ADAMTS9: variants seen among roughly 807,000 people sequenced by gnomAD.
The protein encoded by ADAMTS9 is ADAM metallopeptidase with thrombospondin type 1 motif 9.
A neutral mutation model predicts 257.1 loss-of-function variants in ADAMTS9; 107 were observed. That is an observed-to-expected ratio of 0.42 (90% CI 0.36 to 0.49). The LOEUF is 0.49. Ranked by LOEUF, ADAMTS9 falls within the 20% of genes least tolerant of loss-of-function variation. The pLI is 0.03. For missense variants in ADAMTS9, 2,353 were observed against 2,469.1 expected, an observed-to-expected ratio of 0.95 and a Z score of 1.00; for synonymous variants, 982 against 880.9, an observed-to-expected ratio of 1.11 and a Z score of -2.03.
chr3:64,576,948 C>A (rs987181941), intron 28 of ADAMTS9, among the ~76,000 whole-genome samples: 2 of 152,164 alleles, frequency 1.3e-5, no homozygotes, highest in Non-Finnish European at 2.9e-5. Flanking sequence ...CACCCCAACG[C>A]CCCCAGGAAT....
intron 12 of ADAMTS9, among the ~76,000 whole-genome samples, chr3:64,634,103 T>C (rs1700436794): frequency 6.6e-6 from 1 of 152,090 alleles, no homozygotes; most frequent in Non-Finnish European, 1.5e-5. Flanking sequence ...TCTTCCCTTA[T>C]ATTTGCAAAA....
At chr3:64,523,108 T>C (rs953717731) in intron 38 of ADAMTS9, among the ~76,000 whole-genome samples, 27 of 152,332 alleles carry the variant, frequency 1.8e-4, no homozygotes, top group African/African-American at 6.3e-4. Flanking sequence ...TTACCAATGG[T>C]GAGTTCATTA....
chr3:64,537,639 T>C (rs2083067743), intron 37 of ADAMTS9, among the ~76,000 whole-genome samples: 1 of 152,022 alleles, frequency 6.6e-6, no homozygotes. Context: ...TTCTCTGTAG[T>C]TGGGGGTAAA....
chr3:64,539,091 C>G (rs1348770183), intron 37 of ADAMTS9, 112 bp downstream of exon 37: 2 of 1,070,816 alleles, frequency 1.9e-6, no homozygotes, highest in African/African-American at 3.1e-5. Context: ...GGCCAAACTG[C>G]CCTCTAGAGC....
chr3:64,533,332 G>A, intron 37 of ADAMTS9, 62 bp from the exon 38 acceptor site: 1 of 1,297,564 alleles, frequency 7.7e-7, no homozygotes, highest in Non-Finnish European at 1.1e-6. Context: ...AAAAGCAAAG[G>A]CAAAGGTGAT....
chr3:64,658,031 C>A (rs1189587861), intron 4 of ADAMTS9, among the ~76,000 whole-genome samples: 1 of 151,966 alleles, frequency 6.6e-6, no homozygotes, highest in Non-Finnish European at 1.5e-5. Flanking sequence ...TCACAACCAG[C>A]CTCCCTAATA....
chr3:64,643,080 C>T (rs1700695690), intron 11 of ADAMTS9, among the ~76,000 whole-genome samples: 1 of 152,146 alleles, frequency 6.6e-6, no homozygotes, highest in South Asian at 2.1e-4. Context: ...CGTCCCTTTC[C>T]CTGGGCTGTT....
chr3:64,626,474 GC>G (rs1036542492), intron 16 of ADAMTS9, among the ~76,000 whole-genome samples: 1 of 152,140 alleles, frequency 6.6e-6, no homozygotes, highest in African/African-American at 2.4e-5. Context: ...GTCTGCATGA[GC>G]CCTTGAGCAA....
At chr3:64,563,368 C>T (rs188881809) in intron 29 of ADAMTS9, 5 of 152,142 alleles carry the variant, frequency 3.3e-5, no homozygotes, top group South Asian at 2.1e-4. Flanking sequence ...TAAAAGAGCA[C>T]GTTTCTGGAA....
intron 3 of ADAMTS9, among the ~76,000 whole-genome samples, chr3:64,671,217 T>TA (rs1378626953): frequency 6.6e-6 from 1 of 152,202 alleles, no homozygotes; most frequent in African/African-American, 2.4e-5. Flanking sequence ...AAATTACTGA[T>TA]ACAGGCAACA....
chr3:64,573,762 C>T (rs1488042137), intron 28 of ADAMTS9, among the ~76,000 whole-genome samples: 1 of 152,170 alleles, frequency 6.6e-6, no homozygotes, highest in African/African-American at 2.4e-5. Flanking sequence ...TTGCCAATGA[C>T]AGTGACAAAT....
chr3:64,524,782 A>T (rs189576957), intron 38 of ADAMTS9, among the ~76,000 whole-genome samples: 2 of 152,342 alleles, frequency 1.3e-5, no homozygotes, highest in Admixed American at 1.3e-4. Flanking sequence ...CCTGCGCTCC[A>T]TAGAGTCTGT....
At chr3:64,665,620 A>C (rs980258679) in intron 3 of ADAMTS9, among the ~76,000 whole-genome samples, 1 of 152,232 alleles carries the variant, frequency 6.6e-6, no homozygotes, top group African/African-American at 2.4e-5. Flanking sequence ...GCTTAAAAAC[A>C]ATTTTCTGGC....
At position 64,602,151 on chromosome 3, in the gene ADAMTS9, G is replaced by C; in HGVS notation, c.3810C>G (p.Asp1270Glu). ...TRQVMCVNYS[D>E]HVIDRSECDQ... ...CACACTCACTCCGATCGATCACGTG[G>C]TCACTGTAGTTGACACACATCACTT... The change falls in exon 26 of 40, where the codon GAC (aspartate) becomes GAG (glutamate). Residue 1270 changes from aspartate (D) to glutamate (E), a missense_variant. This residue lies in a region of ADAMTS9 where 1,402 missense variants were observed against 1,441.4 expected (regional missense o/e 0.97). Coordinates refer to ENST00000498707, the MANE Select transcript of ADAMTS9 (RefSeq NM_182920.2). The C allele has an allele frequency of 6.2e-6, 10 of 1,614,130 alleles. No homozygotes were observed. The highest frequency in any genetic ancestry group is 8.5e-6 in the Non-Finnish European group (10 of 1,180,004).
intron 30 of ADAMTS9, 167 bp downstream of exon 30, chr3:64,561,411 A>G (rs2083420207): frequency 1.7e-6 from 1 of 604,104 alleles, no homozygotes; most frequent in Non-Finnish European, 2.6e-6. Flanking sequence ...AAGTTCTCCC[A>G]CCCTTGTTGG....
chr3:64,540,792 C>T (rs1469344696), intron 36 of ADAMTS9, among the ~76,000 whole-genome samples: 1 of 151,042 alleles, frequency 6.6e-6, no homozygotes, highest in Non-Finnish European at 1.5e-5. Flanking sequence ...CATGCACTTT[C>T]ACCTACTTCA....
chr3:64,566,022 C>G (rs948070112), intron 29 of ADAMTS9, among the ~76,000 whole-genome samples: 1 of 152,180 alleles, frequency 6.6e-6, no homozygotes, highest in African/African-American at 2.4e-5. Context: ...ATATTATCAT[C>G]AGACCTTTCG....
chr3:64,670,778 C>A (rs1208944490), intron 3 of ADAMTS9, among the ~76,000 whole-genome samples: 2 of 152,154 alleles, frequency 1.3e-5, no homozygotes, highest in African/African-American at 4.8e-5. Context: ...TACTCAATAT[C>A]ATTAGACTTT....
chr3:64,682,583 G>A lies in ADAMTS9; in HGVS notation c.517-1220C>T, dbSNP rs78978941. On this transcript the variant is annotated intron_variant, in intron 2 of 39. Transcript: ENST00000498707. ...AAATCAAGCTCCACTCTTCTCCTCC[G>A]CTTTCTCATTTCCCGTGCTGGAAAA... 1.7e-4 allele frequency among the ~76,000 whole-genome samples: 26 copies of A among 152,234 alleles called. No homozygotes were observed. In the East Asian group the frequency reaches 4.4e-3, roughly 26 times the overall value.
Sources: allele counts gnomAD v4.1 joint callset (sites outside exome capture counted in the v4.1 genomes callset), GRCh38; gene constraint gnomAD v4.1.1; regional missense constraint gnomAD v4.1.1; transcripts MANE v1.5; gene names NCBI Gene and HGNC (gene_info 2026-07-23, HGNC 2026-07-21).